SLC7A5: variants seen among roughly 807,000 people sequenced by gnomAD.
SLC7A5 encodes large neutral amino acids transporter small subunit 1.
SLC7A5 carries 23 observed loss-of-function variants against 50.2 expected under a neutral mutation model. That is an observed-to-expected ratio of 0.46 (90% CI 0.33 to 0.65). The LOEUF (loss-of-function observed/expected upper bound fraction) is 0.65. Ranked by LOEUF, SLC7A5 falls within the 30% of genes least tolerant of loss-of-function variation. The pLI is 0.02. For synonymous variants in SLC7A5, 393 were observed against 330.6 expected (o/e 1.19, Z -2.05); for missense variants, 578 against 684.4 (o/e 0.84, Z 1.73).
At chr16:87,844,425 G>C (rs1011032752) in intron 2 of SLC7A5, among the ~76,000 whole-genome samples, 6 of 152,164 alleles carry the variant, frequency 3.9e-5, no homozygotes, top group Non-Finnish European at 7.4e-5. Flanking sequence ...AGGCAGATGC[G>C]GCCATGGGAA....
chr16:87,835,355 T>G (rs1597492183), intron 8 of SLC7A5, among the ~76,000 whole-genome samples: 1 of 152,260 alleles, frequency 6.6e-6, no homozygotes, highest in East Asian at 1.9e-4. Context: ...GTGACTGCCC[T>G]GTGCCCTAGG....
rs999570312 is a variant in SLC7A5, at chr16:87,862,635, C to T, written c.538+6250G>A. 1.3e-5 allele frequency among the ~76,000 whole-genome samples: 2 copies of T among 152,228 alleles called. No individual in the cohort carries two copies. The highest frequency in any genetic ancestry group is 2.9e-5 in the Non-Finnish European group (2 of 68,048). The stretch of plus-strand genomic sequence containing the variant: ...GTGAGGCTGAGGGCTGCTCCATGTG[C>T]ACAGTGAGCAGGAGATACAGGCACG... On this transcript the variant is annotated intron_variant, in intron 1 of 9. Coordinates refer to ENST00000261622, the MANE Select transcript of SLC7A5 (RefSeq NM_003486.7). The surrounding 1 kb of genome is among the most constrained non-coding windows in gnomAD (Gnocchi z 5.3).
At position 87,832,834 on chromosome 16, in the gene SLC7A5, C is replaced by G. The variant is rs991325468; in HGVS notation, c.*136G>C. 4 of 759,738 alleles carry G rather than the reference C, an allele frequency of 5.3e-6. No homozygotes were observed. In the African/African-American group the frequency reaches 6.8e-5, roughly 13 times the overall value. 47.1% of individuals were successfully genotyped at this position (759,738 alleles called of 1,614,324 possible). Reference sequence around the variant, plus strand: ...AGTTTTCACAGCAGCCTCCACTGCCCGACCTGGGAGGGACGGCGAGGGACT... The same window carrying G: ...AGTTTTCACAGCAGCCTCCACTGCCGGACCTGGGAGGGACGGCGAGGGACT... On this transcript the variant is annotated 3_prime_UTR_variant, in exon 10 of 10. Transcript: ENST00000261622. The surrounding 1 kb of genome is among the most constrained non-coding windows in gnomAD (Gnocchi z 4.6).
At chr16:87,835,722 C>CCAT (rs1446157131) in intron 8 of SLC7A5, among the ~76,000 whole-genome samples, 7 of 152,200 alleles carry the variant, frequency 4.6e-5, no homozygotes, top group Non-Finnish European at 1.5e-5. Flanking sequence ...GATCTGCCCG[C>CCAT]CTCGGCCTCC....
intron 1 of SLC7A5, among the ~76,000 whole-genome samples, chr16:87,858,293 C>T (rs1022359190): frequency 1.3e-5 from 2 of 152,180 alleles, no homozygotes; most frequent in African/African-American, 4.8e-5. Flanking sequence ...CCCATGAAAG[C>T]ATCACCATTA....
intron 2 of SLC7A5, among the ~76,000 whole-genome samples, chr16:87,844,317 C>T (rs55748143): frequency 0.037 from 5,572 of 152,304 alleles, 331 homozygotes; most frequent in African/African-American, 0.13. Flanking sequence ...GCCCTGTCAG[C>T]AGGATTCCCC....
intron 7 of SLC7A5, chr16:87,837,609 C>T (rs2055023869): frequency 5.7e-6 from 3 of 526,312 alleles, no homozygotes; most frequent in Non-Finnish European, 1.0e-5. Context: ...CAGCTTCTGC[C>T]TCCCGCATTT....
chr16:87,867,882 G>A (rs1376367837), intron 1 of SLC7A5, among the ~76,000 whole-genome samples: 6 of 152,096 alleles, frequency 3.9e-5, no homozygotes, highest in Non-Finnish European at 8.8e-5. Flanking sequence ...TTGGGAGGCC[G>A]AGGCGGGCGG....
chr16:87,844,345 C>T (rs916278052), intron 2 of SLC7A5, among the ~76,000 whole-genome samples: 2 of 152,140 alleles, frequency 1.3e-5, no homozygotes, highest in African/African-American at 4.8e-5. Context: ...GGGGTAATTG[C>T]GGTGGGAACG....
chr16:87,842,302 T>C lies in SLC7A5; in HGVS notation c.665-1147A>G, dbSNP rs552209859. ...CACAGGGCCAGGCAGGGACGGGCCC[T>C]GGGGCTGCTGTGTCCCAACATGTGG... On this transcript the variant is annotated intron_variant, in intron 2 of 9. Coordinates refer to ENST00000261622, the MANE Select transcript of SLC7A5 (RefSeq NM_003486.7). 2.0e-5 allele frequency among the ~76,000 whole-genome samples: 3 copies of C among 152,274 alleles called. No homozygotes were observed. In the South Asian group the frequency reaches 6.2e-4, roughly 32 times the overall value.
rs2055380132 is a variant in SLC7A5 at position 87,860,383 on chromosome 16, CACACACACACACACACATAT to C, written c.538+8482_538+8501del. ...ACACACACACACACACACACACACA[CACACACACACACACACATAT>C]ATATATAAAGAAAAAGGAAATCTTC... On this transcript the variant is annotated intron_variant, in intron 1 of 9. Transcript: ENST00000261622. The surrounding 1 kb of genome is among the most constrained non-coding windows in gnomAD (Gnocchi z 4.8). 1.5e-5 allele frequency among the ~76,000 whole-genome samples: 2 copies of C among 134,656 alleles called. No homozygotes were observed. The highest frequency in any genetic ancestry group is 5.6e-5 in the African/African-American group (2 of 35,536). The allele number at this position is 134,656 out of a possible 152,430, so 88.3% of individuals were successfully genotyped here. A position where few individuals can be genotyped will look rare whatever the true frequency, so the allele number is the denominator to read the frequency against.
Position 87,831,673 on chromosome 16 carries a change from T to G in SLC7A5, c.*1297A>C, listed in dbSNP as rs1234432435. On this transcript the variant is annotated 3_prime_UTR_variant, in exon 10 of 10. Coordinates refer to ENST00000261622, the MANE Select transcript of SLC7A5 (RefSeq NM_003486.7). ...TCAGGAGGGATCCTGCGGGGTCTTCTTGTTCTGGGGGTCCCTGGCTGCTGC... is the reference window on the plus strand; with the variant it reads ...TCAGGAGGGATCCTGCGGGGTCTTCGTGTTCTGGGGGTCCCTGGCTGCTGC... 6.6e-6 allele frequency: 1 copy of G among 152,208 alleles called. No homozygotes were observed. The highest frequency in any genetic ancestry group is 1.5e-5 in the Non-Finnish European group (1 of 68,044). The allele number at this position is 152,208 out of a possible 1,614,324, so 9.4% of individuals were successfully genotyped here.
intron 2 of SLC7A5, among the ~76,000 whole-genome samples, chr16:87,849,697 G>C (rs988492811): frequency 5.9e-5 from 9 of 152,104 alleles, no homozygotes; most frequent in African/African-American, 2.2e-4. Context: ...GGGAGCCATG[G>C]AATGAGCTCG....
chr16:87,837,779 C>T, intron 7 of SLC7A5, 66 bp downstream of exon 7: 1 of 1,326,598 alleles, frequency 7.5e-7, no homozygotes, highest in African/African-American at 1.4e-5. Context: ...GCTGTGGCAG[C>T]CTCCCTCTGG....
chr16:87,868,115 CAAAAAA>C (rs11372656), intron 1 of SLC7A5, among the ~76,000 whole-genome samples: 8 of 80,364 alleles, frequency 1.0e-4, no homozygotes, highest in African/African-American at 4.0e-4. Flanking sequence ...GACTCAGTGT[CAAAAAA>C]AAAAAAAAAA....
chr16:87,868,324 C>T (rs1372552830), intron 1 of SLC7A5, among the ~76,000 whole-genome samples: 1 of 152,086 alleles, frequency 6.6e-6, no homozygotes, highest in Non-Finnish European at 1.5e-5. Flanking sequence ...TACTGGGAAC[C>T]CTCAGGGGGG....
intron 1 of SLC7A5, among the ~76,000 whole-genome samples, chr16:87,868,261 C>G (rs1348505430): frequency 1.3e-5 from 2 of 152,208 alleles, no homozygotes; most frequent in Admixed American, 1.3e-4. Context: ...GGGACCCGCA[C>G]GTCCATTCAC....
rs373357057 is a variant in SLC7A5, at chr16:87,830,425, G to A, written c.*2545C>T. ...CTGAAGCCCACAAGTGGAAACCGCT[G>A]GGGACGTTTGTCAGTGGAGTGTGGA... On this transcript the variant is annotated 3_prime_UTR_variant, in exon 10 of 10. Transcript: ENST00000261622. The A allele has an allele frequency of 6.6e-6, 1 of 152,300 alleles. No homozygotes were observed. Among genetic ancestry groups the A allele is most frequent in the Non-Finnish European group, 1.5e-5 (1 of 68,058 alleles). 9.4% of individuals were successfully genotyped at this position (152,300 alleles called of 1,614,324 possible).
At position 87,830,409 on chromosome 16, in the gene SLC7A5, A is replaced by G. The variant is rs1292206023; in HGVS notation, c.*2561T>C. 6.6e-6 allele frequency: 1 copy of G among 152,282 alleles called. No individual in the cohort carries two copies. Among genetic ancestry groups the G allele is most frequent in the Non-Finnish European group, 1.5e-5 (1 of 68,052 alleles). The allele number at this position is 152,282 out of a possible 1,614,324, so 9.4% of individuals were successfully genotyped here. A position where few individuals can be genotyped will look rare whatever the true frequency, so the allele number is the denominator to read the frequency against. On this transcript the variant is annotated 3_prime_UTR_variant, in exon 10 of 10. Transcript: ENST00000261622. ...TTGTGCTTGAAAACACCTGAAGCCC[A>G]CAAGTGGAAACCGCTGGGGACGTTT...
Sources: gnomAD v4.1 joint callset for allele counts (sites outside exome capture counted in the v4.1 genomes callset) on GRCh38, gnomAD v4.1.1 for gene constraint, Gnocchi (gnomAD v3.1) non-coding constraint, MANE v1.5 for transcripts, NCBI Gene and HGNC (gene_info 2026-07-23, HGNC 2026-07-21) for gene names.